Variants in CHSY3 observed in about 807,000 individuals in gnomAD.
CHSY3 encodes the protein chondroitin sulfate synthase 3.
In CHSY3, 35 loss-of-function variants were observed where a neutral mutation model predicts 67.2. That is an observed-to-expected ratio of 0.52 (90% confidence interval 0.40 to 0.69). The LOEUF (loss-of-function observed/expected upper bound fraction) is 0.69, where lower values mean the gene tolerates loss of function less well. CHSY3 is among the 30% of genes least tolerant of loss of function. The pLI, the probability that CHSY3 is intolerant of heterozygous loss-of-function variation, is 0.00. For missense variants in CHSY3, 1,069 were observed against 1,138.5 expected, an observed-to-expected ratio of 0.94 and a Z score of 0.88; for synonymous variants, 474 against 434.7, an observed-to-expected ratio of 1.09 and a Z score of -1.12.
chr5:130,093,004 G>T (rs1766929510), intron 2 of CHSY3, among the ~76,000 whole-genome samples: 1 of 152,078 alleles, frequency 6.6e-6, no homozygotes, highest in African/African-American at 2.4e-5. Context: ...CCTCATGGTT[G>T]GTTTCCTTAG....
chr5:129,915,651 A>G (rs1468722897), intron 2 of CHSY3, among the ~76,000 whole-genome samples: 2 of 152,090 alleles, frequency 1.3e-5, no homozygotes, highest in African/African-American at 4.8e-5. Context: ...ATTATTTTTT[A>G]TTGCAAAGCT....
intron 2 of CHSY3, among the ~76,000 whole-genome samples, chr5:129,914,780 A>T (rs1210147279): frequency 6.6e-6 from 1 of 152,224 alleles, no homozygotes; most frequent in African/African-American, 2.4e-5. Flanking sequence ...TTTTATCACT[A>T]ACTGATGTCT....
At chr5:130,135,818 C>T (rs144897624) in intron 2 of CHSY3, among the ~76,000 whole-genome samples, 171 of 152,248 alleles carry the variant, frequency 1.1e-3, no homozygotes, top group African/African-American at 3.9e-3. Flanking sequence ...TTTTGCTACC[C>T]TCACTAATCT....
chr5:130,160,895 ATTTTTTTT>A (rs1235724208), intron 2 of CHSY3, among the ~76,000 whole-genome samples: 3 of 142,428 alleles, frequency 2.1e-5, no homozygotes, highest in Non-Finnish European at 4.5e-5. Flanking sequence ...TTATTTATTT[ATTTTTTTT>A]TTTTTATTTT....
intron 2 of CHSY3, among the ~76,000 whole-genome samples, chr5:130,049,949 T>C (rs1414834444): frequency 1.3e-5 from 2 of 152,194 alleles, no homozygotes; most frequent in Middle Eastern, 3.4e-3. Context: ...CTTCTTCGAC[T>C]GCCTTGCCAA....
Position 130,018,725 on chromosome 5 carries a change from G to A in CHSY3, c.1086+110365G>A, listed in dbSNP as rs79636823. On this transcript the variant is annotated intron_variant, in intron 2 of 2. Coordinates refer to ENST00000305031, the MANE Select transcript of CHSY3 (RefSeq NM_175856.5). Reference sequence around the variant, plus strand: ...TTTGTTTGTCCGCACCAAATCTTACGTTGAAATTTGATCCCTAGTGTGGTG... The same window carrying A: ...TTTGTTTGTCCGCACCAAATCTTACATTGAAATTTGATCCCTAGTGTGGTG... Among the ~76,000 whole-genome samples the A allele has an allele frequency of 4.3e-3, 658 of 152,248 alleles. 4 individuals are homozygous for A. Among genetic ancestry groups the A allele is most frequent in the African/African-American group, 0.015 (626 of 41,548 alleles).
In CHSY3 at chr5:130,186,599, C is replaced by G. The variant is rs970878871; in HGVS notation, c.*808C>G. On this transcript the variant is annotated 3_prime_UTR_variant, in exon 3 of 3. Coordinates refer to ENST00000305031, the MANE Select transcript of CHSY3 (RefSeq NM_175856.5). ...CAGAACCTGTTTATTTAAAATAAAACACAGGTATAGCAGTATTCTTTTTCA... is the reference window on the plus strand; with the variant it reads ...CAGAACCTGTTTATTTAAAATAAAAGACAGGTATAGCAGTATTCTTTTTCA... The G allele has an allele frequency of 3.9e-5, 6 of 152,664 alleles. No homozygotes were observed. The highest frequency in any genetic ancestry group is 1.3e-4 in the Admixed American group (2 of 15,274). 9.5% of individuals were successfully genotyped at this position (152,664 alleles called of 1,614,324 possible).
chr5:129,965,654 G>T (rs1421780544), intron 2 of CHSY3, among the ~76,000 whole-genome samples: 2 of 151,884 alleles, frequency 1.3e-5, no homozygotes, highest in Non-Finnish European at 2.9e-5. Flanking sequence ...AAGGAACCTG[G>T]AATCGTGGGG....
At chr5:130,145,636 A>G (rs1173894320) in intron 2 of CHSY3, among the ~76,000 whole-genome samples, 2 of 152,230 alleles carry the variant, frequency 1.3e-5, no homozygotes, top group Non-Finnish European at 2.9e-5. Context: ...TTTGCACAGC[A>G]AAGGAAACAA....
chr5:130,163,669 G>GA (rs1199132440), intron 2 of CHSY3, among the ~76,000 whole-genome samples: 6 of 152,116 alleles, frequency 3.9e-5, no homozygotes, highest in East Asian at 3.9e-4. Context: ...TGAGTGAAAT[G>GA]AAAAAATTGT....
At chr5:129,969,407 TA>T (rs1484675970) in intron 2 of CHSY3, among the ~76,000 whole-genome samples, 1 of 152,012 alleles carries the variant, frequency 6.6e-6, no homozygotes, top group East Asian at 1.9e-4. Flanking sequence ...GATCATGTTT[TA>T]TGATGCATAT....
intron 2 of CHSY3, among the ~76,000 whole-genome samples, chr5:130,160,062 G>A (rs942886444): frequency 3.9e-5 from 6 of 152,142 alleles, no homozygotes; most frequent in African/African-American, 9.7e-5. Flanking sequence ...CTGTTAGCAC[G>A]ATTTAAAGAT....
At chr5:130,046,135 G>C (rs1765140945) in intron 2 of CHSY3, among the ~76,000 whole-genome samples, 1 of 152,044 alleles carries the variant, frequency 6.6e-6, no homozygotes, top group Non-Finnish European at 1.5e-5. Context: ...GGCTCGGGGA[G>C]GCTACTTTAT....
chr5:129,948,851 T>A (rs1761942058), intron 2 of CHSY3, among the ~76,000 whole-genome samples: 1 of 151,960 alleles, frequency 6.6e-6, no homozygotes, highest in South Asian at 2.1e-4. Flanking sequence ...ACATCTATTA[T>A]TTTTTTATTA....
intron 2 of CHSY3, among the ~76,000 whole-genome samples, chr5:129,928,567 C>A (rs1211441627): frequency 6.6e-6 from 1 of 151,946 alleles, no homozygotes; most frequent in Non-Finnish European, 1.5e-5. Context: ...GCATAAAAAC[C>A]AGTATAGATA....
intron 2 of CHSY3, among the ~76,000 whole-genome samples, chr5:129,923,935 G>A (rs1436035074): frequency 3.9e-5 from 6 of 152,158 alleles, no homozygotes; most frequent in Non-Finnish European, 8.8e-5. Flanking sequence ...CTGCATAAAT[G>A]TATTTGTTTT....
chr5:129,905,306 C>T lies in CHSY3; in HGVS notation c.477C>T (p.Asp159=). 2.0e-6 allele frequency: 3 copies of T among 1,500,872 alleles called. No individual in the cohort carries two copies. The highest frequency in any genetic ancestry group is 2.7e-6 in the Non-Finnish European group (3 of 1,130,106). 93.0% of individuals were successfully genotyped at this position (1,500,872 alleles called of 1,614,324 possible). Reference sequence around the variant, plus strand: ...GGAGTAGCCACAACGGCAGCGGGGACGGGGGCGCTGCCGCCCCGAGCGCCC... The same window carrying T: ...GGAGTAGCCACAACGGCAGCGGGGATGGGGGCGCTGCCGCCCCGAGCGCCC... ...RPGSSHNGSG[D]GGAAAPSARP... The change falls in exon 1 of 3, where the codon GAC becomes GAT. Residue 159 remains aspartate (D), a synonymous_variant. Transcript: ENST00000305031.
At chr5:130,108,943 T>C (rs530474967) in intron 2 of CHSY3, among the ~76,000 whole-genome samples, 7 of 151,812 alleles carry the variant, frequency 4.6e-5, no homozygotes, top group African/African-American at 1.7e-4. Flanking sequence ...CTTCTGAAAA[T>C]GGACCAAAAT....
intron 2 of CHSY3, among the ~76,000 whole-genome samples, chr5:130,053,115 G>A (rs1561514672): frequency 6.6e-6 from 1 of 151,990 alleles, no homozygotes; most frequent in Admixed American, 6.6e-5. Context: ...TTCCCAAATA[G>A]GAACACTTCT....
Sources: allele counts gnomAD v4.1 joint callset (sites outside exome capture counted in the v4.1 genomes callset), GRCh38; gene constraint gnomAD v4.1.1; transcripts MANE v1.5; gene names NCBI Gene and HGNC (gene_info 2026-07-23, HGNC 2026-07-21).